MALL: variants seen among roughly 807,000 people sequenced by gnomAD.
The protein encoded by MALL is MAL-like protein.
A neutral mutation model predicts 10.3 loss-of-function variants in MALL; 2 were observed. The ratio of observed to expected loss-of-function variants is 0.19; its 90% confidence interval spans 0.08 to 0.61. The LOEUF (loss-of-function observed/expected upper bound fraction) is 0.61. Ranked by LOEUF, MALL falls within the 20% of genes least tolerant of loss-of-function variation. MALL has a pLI of 0.88. For missense variants in MALL, 39 were observed against 115.2 expected (o/e 0.34, Z 3.03); for synonymous variants, 27 against 51.8 (o/e 0.52, Z 2.05).
At chr2:110,092,020 G>A (rs7560522) in intron 1 of MALL, among the ~76,000 whole-genome samples, 2,676 of 147,654 alleles carry the variant, frequency 0.018, no homozygotes, top group African/African-American at 0.066. Context: ...GCTTGTGAAT[G>A]TGTCTTTTGG....
intron 1 of MALL, among the ~76,000 whole-genome samples, chr2:110,095,557 A>AACTAGAAT (rs1678422832): frequency 6.6e-6 from 1 of 152,158 alleles, no homozygotes; most frequent in Non-Finnish European, 1.5e-5. Context: ...AGTGGTTAAG[A>AACTAGAAT]ACTAGAATAT....
chr2:110,107,740 A>G (rs1678725438), intron 1 of MALL, among the ~76,000 whole-genome samples: 1 of 152,188 alleles, frequency 6.6e-6, no homozygotes, highest in Non-Finnish European at 1.5e-5. Flanking sequence ...CCAGCACAAA[A>G]ATAGACCATT....
intron 1 of MALL, among the ~76,000 whole-genome samples, chr2:110,105,072 T>C (rs1189230315): frequency 6.6e-6 from 1 of 152,208 alleles, no homozygotes; most frequent in African/African-American, 2.4e-5. Context: ...TATAGGATCC[T>C]TGTTTCTCTT....
At chr2:110,111,443 C>A (rs916478715) in intron 1 of MALL, among the ~76,000 whole-genome samples, 24 of 152,016 alleles carry the variant, frequency 1.6e-4, no homozygotes, top group Admixed American at 3.3e-4. Context: ...AGCAGAGAAT[C>A]AAATCAAGAG....
rs1029798179 is a variant in MALL at position 110,112,871 on chromosome 2, G to GAT, written c.105+2815_105+2816dup. ...ATCAATGGGTAGATAAAGAAACTGT[G>GAT]ATATATATATATATGTATATATATA... On this transcript the variant is annotated intron_variant, in intron 1 of 3. Transcript: ENST00000272462. 2.8e-3 allele frequency among the ~76,000 whole-genome samples: 409 copies of GAT among 148,190 alleles called. 4 individuals are homozygous for GAT. Among genetic ancestry groups the GAT allele is most frequent in the East Asian group, 0.011 (54 of 5,096 alleles).
At chr2:110,099,220 C>T (rs1159662752) in intron 1 of MALL, among the ~76,000 whole-genome samples, 1 of 152,100 alleles carries the variant, frequency 6.6e-6, no homozygotes, top group Non-Finnish European at 1.5e-5. Context: ...GGACACCTTA[C>T]AGCACGAGAA....
intron 1 of MALL, among the ~76,000 whole-genome samples, chr2:110,100,399 G>A (rs1321849462): frequency 6.6e-6 from 1 of 151,988 alleles, no homozygotes; most frequent in Non-Finnish European, 1.5e-5. Flanking sequence ...TTTGGGCTCG[G>A]GAGTTCGAGG....
chr2:110,117,622 TGTGAGAGA>T (rs1350646374), upstream of MALL, among the ~76,000 whole-genome samples: 268 of 120,708 alleles, frequency 2.2e-3, no homozygotes, highest in Middle Eastern at 8.3e-3. Context: ...TGTGTGTGTG[TGTGAGAGA>T]GAGAGAGAGA....
chr2:110,097,235 A>G (rs1467707832), intron 1 of MALL, among the ~76,000 whole-genome samples: 1 of 152,056 alleles, frequency 6.6e-6, no homozygotes, highest in East Asian at 1.9e-4. Context: ...GTGTCTGTGT[A>G]TATGTGCATT....
intron 1 of MALL, among the ~76,000 whole-genome samples, chr2:110,096,259 G>A (rs1441522716): frequency 6.6e-6 from 1 of 152,126 alleles, no homozygotes; most frequent in Non-Finnish European, 1.5e-5. Flanking sequence ...GAGAAAGCTT[G>A]AGGCCAGCTC....
intron 1 of MALL, among the ~76,000 whole-genome samples, chr2:110,103,917 T>C (rs1302538864): frequency 6.6e-6 from 1 of 152,084 alleles, no homozygotes; most frequent in African/African-American, 2.4e-5. Context: ...CTCTGCTGTG[T>C]GGTGTGGGCT....
At chr2:110,096,741 A>G (rs961509228) in intron 1 of MALL, among the ~76,000 whole-genome samples, 12 of 150,244 alleles carry the variant, frequency 8.0e-5, no homozygotes, top group Non-Finnish European at 3.0e-5. Context: ...ACACACACAC[A>G]CAATTTTTGC....
chr2:110,112,096 G>A (rs1287155083), intron 1 of MALL, among the ~76,000 whole-genome samples: 3 of 152,096 alleles, frequency 2.0e-5, no homozygotes, highest in African/African-American at 7.2e-5. Context: ...GATGGATTAA[G>A]GACTTAAACT....
intron 1 of MALL, among the ~76,000 whole-genome samples, chr2:110,095,378 C>G (rs550082503): frequency 2.0e-5 from 3 of 152,268 alleles, no homozygotes; most frequent in African/African-American, 7.2e-5. Context: ...ATTTCAAGCA[C>G]AACTTTGGCA....
chr2:110,117,024 G>C (rs544984735), upstream of MALL, among the ~76,000 whole-genome samples: 1 of 152,290 alleles, frequency 6.6e-6, no homozygotes, highest in African/African-American at 2.4e-5. Context: ...CCAAGGGAGA[G>C]AGGAGTTTGG....
At chr2:110,112,553 A>G (rs545692843) in intron 1 of MALL, among the ~76,000 whole-genome samples, 96 of 152,144 alleles carry the variant, frequency 6.3e-4, no homozygotes, top group African/African-American at 2.1e-3. Flanking sequence ...CTCCTGCAAG[A>G]ATGGCCATAA....
At position 110,115,786 on chromosome 2, in the gene MALL, A is replaced by AG. The variant is rs768437237; in HGVS notation, c.6dup (p.Ser3LeufsTer84). 1 of 1,265,292 alleles carries AG rather than the reference A, an allele frequency of 7.9e-7. No individual in the cohort carries two copies. Among genetic ancestry groups the AG allele is most frequent in the South Asian group, 3.9e-5 (1 of 25,842 alleles). 78.4% of individuals were successfully genotyped at this position (1,265,292 alleles called of 1,614,324 possible). ...TAGCTGGTGGCGGGCGGGTCGGGCG[A>AG]GGCCATGCTGTCAGCCCCTGCCGGG... On this transcript the variant is annotated frameshift_variant, in exon 1 of 4. Coordinates refer to ENST00000272462, the MANE Select transcript of MALL (RefSeq NM_005434.5). LOFTEE classifies it high-confidence loss of function.
intron 1 of MALL, among the ~76,000 whole-genome samples, chr2:110,101,506 G>A (rs1239785334): frequency 6.6e-6 from 1 of 152,174 alleles, no homozygotes; most frequent in Non-Finnish European, 1.5e-5. Context: ...AGCACTGGTG[G>A]GAACTCGCGT....
intron 1 of MALL, among the ~76,000 whole-genome samples, chr2:110,096,787 G>C (rs192653181): frequency 6.6e-6 from 1 of 151,342 alleles, no homozygotes; most frequent in African/African-American, 2.4e-5. Flanking sequence ...CCCAGTGTCC[G>C]TCTGCAACCT....
Sources: gnomAD v4.1 joint callset for allele counts (sites outside exome capture counted in the v4.1 genomes callset) on GRCh38, gnomAD v4.1.1 for gene constraint, MANE v1.5 for transcripts, NCBI Gene and HGNC (gene_info 2026-07-23, HGNC 2026-07-21) for gene names.